NELL1: variants seen among roughly 807,000 people sequenced by gnomAD.
The protein encoded by NELL1 is neural EGFL like 1.
A neutral mutation model predicts 107.4 loss-of-function variants in NELL1; 76 were observed. That is an observed-to-expected ratio of 0.71 (90% CI 0.59 to 0.86). NELL1 has a LOEUF of 0.86. NELL1 is among the 40% of genes least tolerant of loss of function. NELL1 has a pLI of 0.00. For missense variants in NELL1, 1,024 were observed against 1,005.5 expected (o/e 1.02, Z -0.25); for synonymous variants, 353 against 341.2 (o/e 1.03, Z -0.38).
intron 5 of NELL1, among the ~76,000 whole-genome samples, chr11:20,913,178 G>C (rs1465006532): frequency 6.6e-6 from 1 of 152,086 alleles, no homozygotes; most frequent in Non-Finnish European, 1.5e-5. Flanking sequence ...GTCCCTGCCA[G>C]TTTATAAACA....
chr11:21,385,719 G>T (rs183976703), intron 15 of NELL1, among the ~76,000 whole-genome samples: 1 of 151,936 alleles, frequency 6.6e-6, no homozygotes, highest in Non-Finnish European at 1.5e-5. Context: ...AAACTTAAAT[G>T]GTTTCCAGTG....
chr11:20,966,522 A>G (rs1345931868), intron 12 of NELL1, among the ~76,000 whole-genome samples: 1 of 152,110 alleles, frequency 6.6e-6, no homozygotes, highest in Non-Finnish European at 1.5e-5. Flanking sequence ...AATGCTTGAG[A>G]TAAGAATACC....
At chr11:20,971,951 C>A (rs529023901) in intron 12 of NELL1, among the ~76,000 whole-genome samples, 13 of 150,586 alleles carry the variant, frequency 8.6e-5, no homozygotes, top group African/African-American at 3.2e-4. Context: ...CGCATGTTCT[C>A]ACTCATAAGT....
At chr11:21,389,371 A>T (rs1851816376) in intron 15 of NELL1, among the ~76,000 whole-genome samples, 1 of 151,806 alleles carries the variant, frequency 6.6e-6, no homozygotes, top group South Asian at 2.1e-4. Context: ...TTTTAAATTT[A>T]AGTCACTCTG....
chr11:21,526,353 C>A (rs73469196), intron 15 of NELL1, among the ~76,000 whole-genome samples: 1 of 152,178 alleles, frequency 6.6e-6, no homozygotes, highest in African/African-American at 2.4e-5. Flanking sequence ...CACCCCTCTC[C>A]ACTAGCTGCT....
chr11:21,412,790 G>A (rs1852411025), intron 15 of NELL1, among the ~76,000 whole-genome samples: 3 of 152,060 alleles, frequency 2.0e-5, no homozygotes, highest in Admixed American at 2.0e-4. Context: ...TCCTGGCCTG[G>A]GGAAGGGAGG....
intron 13 of NELL1, among the ~76,000 whole-genome samples, chr11:21,226,369 T>A (rs925512559): frequency 2.0e-5 from 3 of 152,198 alleles, no homozygotes; most frequent in African/African-American, 7.2e-5. Flanking sequence ...CACATCCAAA[T>A]TAACTTGCAA....
chr11:21,452,143 C>G (rs1853603509), intron 15 of NELL1, among the ~76,000 whole-genome samples: 1 of 151,766 alleles, frequency 6.6e-6, no homozygotes, highest in Non-Finnish European at 1.5e-5. Context: ...AGGAAGGAAA[C>G]ATTGATTGTG....
chr11:21,409,864 A>G (rs1331869187), intron 15 of NELL1, among the ~76,000 whole-genome samples: 2 of 151,960 alleles, frequency 1.3e-5, no homozygotes, highest in Non-Finnish European at 2.9e-5. Context: ...TCACACACAA[A>G]CATATGCATG....
At chr11:21,137,266 G>A (rs1001408608) in intron 13 of NELL1, among the ~76,000 whole-genome samples, 1 of 152,232 alleles carries the variant, frequency 6.6e-6, no homozygotes, top group African/African-American at 2.4e-5. Flanking sequence ...TGTCCTGGAG[G>A]AGAACCCCAT....
chr11:21,571,032 T>G, intron 18 of NELL1, 92 bp downstream of exon 18: 4 of 1,208,982 alleles, frequency 3.3e-6, no homozygotes, highest in African/African-American at 1.6e-5. Flanking sequence ...CAGTTTTTCA[T>G]AATACTATAC....
At chr11:20,880,373 C>G (rs7121209) in intron 4 of NELL1, among the ~76,000 whole-genome samples, 36,916 of 152,042 alleles carry the variant, frequency 0.24, 8,369 homozygotes, top group African/African-American at 0.59. Flanking sequence ...GACTAAGTGC[C>G]AAGGGCATGT....
chr11:21,476,427 G>C (rs1292965546), intron 15 of NELL1, among the ~76,000 whole-genome samples: 1 of 152,124 alleles, frequency 6.6e-6, no homozygotes, highest in Non-Finnish European at 1.5e-5. Flanking sequence ...CCAGAAAATA[G>C]ACTGGATGGA....
chr11:21,353,098 T>C (rs1328875928), intron 14 of NELL1, among the ~76,000 whole-genome samples: 4 of 152,154 alleles, frequency 2.6e-5, no homozygotes, highest in African/African-American at 4.8e-5. Context: ...ATGAACATTA[T>C]GGAAACTTCA....
At chr11:20,693,983 T>G (rs2133870587) in intron 2 of NELL1, among the ~76,000 whole-genome samples, 1 of 152,160 alleles carries the variant, frequency 6.6e-6, no homozygotes, top group East Asian at 1.9e-4. Flanking sequence ...CTTTGTTCGT[T>G]TCTTTTTATT....
chr11:21,072,218 T>C (rs1187106768), intron 12 of NELL1, among the ~76,000 whole-genome samples: 1 of 152,170 alleles, frequency 6.6e-6, no homozygotes, highest in African/African-American at 2.4e-5. Flanking sequence ...AAATGGCATA[T>C]AATAATCAAA....
chr11:20,899,453 A>G (rs1249346323), intron 5 of NELL1, among the ~76,000 whole-genome samples: 2 of 152,186 alleles, frequency 1.3e-5, no homozygotes, highest in Non-Finnish European at 2.9e-5. Flanking sequence ...AATAAATATC[A>G]CAATTTGTGA....
rs547665515 is a variant in NELL1, at chr11:20,682,725, T to C, written c.184+4665T>C. On this transcript the variant is annotated intron_variant, in intron 2 of 19. Transcript: ENST00000357134. ...ACCCAAAAAGTTTACCTTTTTTCTT[T>C]TATAATTCCTCCCACTTACCTCTCC... Among the ~76,000 whole-genome samples the C allele has an allele frequency of 1.1e-4, 16 of 152,120 alleles. 1 individual carries two copies. In the South Asian group the frequency reaches 1.9e-3, roughly 18 times the overall value.
chr11:20,910,171 G>C (rs1850094764), intron 5 of NELL1, among the ~76,000 whole-genome samples: 3 of 152,178 alleles, frequency 2.0e-5, no homozygotes, highest in African/African-American at 7.2e-5. Context: ...TGGACCATGT[G>C]TCTTTCATTA....
Sources: allele counts gnomAD v4.1 joint callset (sites outside exome capture counted in the v4.1 genomes callset), GRCh38; gene constraint gnomAD v4.1.1; transcripts MANE v1.5; gene names NCBI Gene and HGNC (gene_info 2026-07-23, HGNC 2026-07-21).